LPAR1: variants seen among roughly 807,000 people sequenced by gnomAD.
The protein encoded by LPAR1 is LPA receptor 1.
Under a neutral mutation model 23.8 loss-of-function variants are expected in LPAR1, and 5 were observed. The ratio of observed to expected loss-of-function variants is 0.21; its 90% CI spans 0.11 to 0.44. The LOEUF is 0.44. Among genes scored for constraint, LPAR1 ranks in the 20% least tolerant of loss-of-function variants. The pLI, the probability that LPAR1 is intolerant of heterozygous loss-of-function variation, is 0.99. For missense variants in LPAR1, 311 were observed against 482.8 expected (o/e 0.64, Z 3.33); for synonymous variants, 160 against 164.7 (o/e 0.97, Z 0.22).
intron 5 of LPAR1, among the ~76,000 whole-genome samples, chr9:110,894,482 T>C (rs1472115018): frequency 2.0e-5 from 3 of 152,206 alleles, no homozygotes; most frequent in Non-Finnish European, 2.9e-5. Flanking sequence ...TTCTTTCCTT[T>C]CCTTCTTCAG....
intron 2 of LPAR1, among the ~76,000 whole-genome samples, chr9:111,019,603 C>T (rs2097523406): frequency 1.3e-5 from 2 of 151,770 alleles, no homozygotes; most frequent in South Asian, 4.2e-4. Context: ...CTTGGGAGGC[C>T]GAGGCGGGCA....
At chr9:111,023,265 C>T (rs977628762) in intron 2 of LPAR1, among the ~76,000 whole-genome samples, 2 of 152,118 alleles carry the variant, frequency 1.3e-5, no homozygotes, top group Admixed American at 6.5e-5. Flanking sequence ...AGATTGCCTT[C>T]CACCTGTCTT....
intron 2 of LPAR1, among the ~76,000 whole-genome samples, chr9:111,005,290 T>C (rs1050805360): frequency 2.0e-5 from 3 of 148,304 alleles, no homozygotes; most frequent in African/African-American, 7.5e-5. Context: ...GGGAGGGAGG[T>C]GGGCCAGGCG....
At chr9:111,009,428 A>G (rs1030825493) in intron 2 of LPAR1, among the ~76,000 whole-genome samples, 9 of 152,130 alleles carry the variant, frequency 5.9e-5, no homozygotes, top group Non-Finnish European at 1.0e-4. Context: ...TAACACAAAA[A>G]TGTTTGATAC....
chr9:110,954,048 C>T (rs2095655719), intron 4 of LPAR1, among the ~76,000 whole-genome samples: 1 of 151,650 alleles, frequency 6.6e-6, no homozygotes, highest in South Asian at 2.1e-4. Flanking sequence ...TCAGATTAAA[C>T]AATAAAAAGA....
chr9:110,961,950 C>G (rs570654364), intron 4 of LPAR1, among the ~76,000 whole-genome samples: 1 of 152,286 alleles, frequency 6.6e-6, no homozygotes, highest in Non-Finnish European at 1.5e-5. Flanking sequence ...CAAACCATAT[C>G]ATGTATATTT....
intron 4 of LPAR1, among the ~76,000 whole-genome samples, chr9:110,945,784 G>A (rs1315863818): frequency 6.6e-6 from 1 of 151,998 alleles, no homozygotes; most frequent in Non-Finnish European, 1.5e-5. Context: ...ACATCTCTTG[G>A]CTCATGGCTA....
intron 4 of LPAR1, among the ~76,000 whole-genome samples, chr9:110,954,920 C>A (rs976822728): frequency 2.0e-5 from 3 of 152,044 alleles, no homozygotes; most frequent in Admixed American, 1.3e-4. Flanking sequence ...AAGTGTAAAA[C>A]CCACTGGTAG....
intron 4 of LPAR1, among the ~76,000 whole-genome samples, chr9:110,942,827 AT>A (rs2095201005): frequency 6.6e-6 from 1 of 151,894 alleles, no homozygotes; most frequent in East Asian, 1.9e-4. Flanking sequence ...ACATTTGAGA[AT>A]TTTTTTTCTT....
In LPAR1 at chr9:110,899,442, G is replaced by A. The variant is rs529816101; in HGVS notation, c.794-23720C>T. Reference sequence around the variant, plus strand: ...AGTGTCTTTGGGAGAATATAGAGATGAAATAATACACAGACCTGGCTTGAG... The same window carrying A: ...AGTGTCTTTGGGAGAATATAGAGATAAAATAATACACAGACCTGGCTTGAG... On this transcript the variant is annotated intron_variant, in intron 5 of 5. Transcript: ENST00000683809. Among the ~76,000 whole-genome samples, 5 of 152,324 alleles carry A rather than the reference G, an allele frequency of 3.3e-5. No individual in the cohort carries two copies. The East Asian group carries it at 7.7e-4, about 24-fold the overall frequency.
intron 4 of LPAR1, among the ~76,000 whole-genome samples, chr9:110,949,458 C>A: frequency 6.6e-6 from 1 of 152,198 alleles, no homozygotes; most frequent in East Asian, 1.9e-4. Flanking sequence ...AATATTTTAA[C>A]ATGCACACTT....
chr9:110,935,995 C>CTGG (rs575725225), intron 5 of LPAR1, among the ~76,000 whole-genome samples: 241 of 152,282 alleles, frequency 1.6e-3, no homozygotes, highest in African/African-American at 5.8e-3. Flanking sequence ...TGCTCATGAA[C>CTGG]TGGTCACCTT....
intron 4 of LPAR1, among the ~76,000 whole-genome samples, chr9:110,968,087 C>T (rs2096280074): frequency 1.3e-5 from 2 of 152,178 alleles, no homozygotes; most frequent in Admixed American, 1.3e-4. Flanking sequence ...GAACTTGAAC[C>T]CAGGTCTATT....
chr9:110,964,618 C>T (rs1225959390), intron 4 of LPAR1, among the ~76,000 whole-genome samples: 1 of 151,698 alleles, frequency 6.6e-6, no homozygotes, highest in Non-Finnish European at 1.5e-5. Flanking sequence ...TTGTGAATGT[C>T]TGAAAACTGC....
At chr9:110,989,060 T>C (rs1475618090) in intron 2 of LPAR1, among the ~76,000 whole-genome samples, 1 of 152,188 alleles carries the variant, frequency 6.6e-6, no homozygotes, top group Non-Finnish European at 1.5e-5. Flanking sequence ...CCTGTTTACA[T>C]GAAATGTCCA....
At chr9:110,969,583 A>G (rs897696313) in intron 4 of LPAR1, among the ~76,000 whole-genome samples, 1 of 152,034 alleles carries the variant, frequency 6.6e-6, no homozygotes, top group Non-Finnish European at 1.5e-5. Flanking sequence ...ATGGAGGCAC[A>G]CACCTATAAT....
rs2097928854 is a variant in LPAR1, at chr9:111,038,075, C to T, written c.-262+92G>A. The T allele has an allele frequency of 6.6e-6, 1 of 151,904 alleles. No homozygotes were observed. Among genetic ancestry groups the T allele is most frequent in the South Asian group, 2.1e-4 (1 of 4,828 alleles). 9.4% of individuals were successfully genotyped at this position (151,904 alleles called of 1,614,324 possible). On this transcript the variant is annotated intron_variant, in intron 1 of 5. Coordinates refer to ENST00000683809, the MANE Select transcript of LPAR1 (RefSeq NM_001351411.2). The surrounding 1 kb of genome is among the most constrained non-coding windows in gnomAD (Gnocchi z 4.4). ...CGTCCGCGGCGGGACAGTGTGAGCC[C>T]AGCGCGCCGTGTGGCGGGCCGAGCA...
At chr9:110,966,202 C>T (rs1054630792) in intron 4 of LPAR1, among the ~76,000 whole-genome samples, 3 of 151,872 alleles carry the variant, frequency 2.0e-5, no homozygotes, top group Admixed American at 6.6e-5. Context: ...GATGATGGGC[C>T]GGGCATGCTG....
chr9:110,980,730 T>C (rs1021666034), intron 2 of LPAR1, among the ~76,000 whole-genome samples: 1 of 151,974 alleles, frequency 6.6e-6, no homozygotes, highest in Non-Finnish European at 1.5e-5. Flanking sequence ...GAGTGACTTA[T>C]AGCAAACAAC....
Sources: allele counts gnomAD v4.1 joint callset (sites outside exome capture counted in the v4.1 genomes callset), GRCh38; gene constraint gnomAD v4.1.1; non-coding constraint Gnocchi (gnomAD v3.1); transcripts MANE v1.5; gene names NCBI Gene and HGNC (gene_info 2026-07-23, HGNC 2026-07-21).